The following COL4A6 variants were observed in gnomAD, a reference collection of about 807,000 sequenced individuals.
COL4A6 encodes collagen alpha-6(IV) chain.
In COL4A6, 59 loss-of-function variants were observed where a neutral mutation model predicts 126.7. The ratio of observed to expected loss-of-function variants is 0.47; its 90% CI spans 0.38 to 0.58. The LOEUF is 0.58. Among genes scored for constraint, COL4A6 ranks in the 20% least tolerant of loss-of-function variants. The probability of loss-of-function intolerance (pLI) is 0.00; values close to 1 mark genes in which losing one functional copy is unlikely to be tolerated. For missense variants in COL4A6, 1,285 were observed against 1,337.3 expected, an observed-to-expected ratio of 0.96 and a Z score of 0.61; for synonymous variants, 547 against 496.6, an observed-to-expected ratio of 1.10 and a Z score of -1.35.
At position 108,179,279 on chromosome X, in the gene COL4A6, C is replaced by T; in HGVS notation, c.2291G>A (p.Gly764Asp). ...TTTGTGCCCTGTTAATCCTTGTAGGCCTTGTTCCCCCGGAGCACCATTTTC... is the reference window on the plus strand; with the variant it reads ...TTTGTGCCCTGTTAATCCTTGTAGGTCTTGTTCCCCCGGAGCACCATTTTC... Reference protein sequence around the residue: ...GAENGAPGEQGLQGLTGHKGF... With the variant: ...GAENGAPGEQDLQGLTGHKGF... Residue 764 changes from glycine (G) to aspartate (D), a missense_variant, in exon 26 of 45, where the codon GGC (glycine) becomes GAC (aspartate). Transcript: ENST00000334504. The T allele has an allele frequency of 1.7e-6, 2 of 1,211,315 alleles. No homozygotes were observed. The highest frequency in any genetic ancestry group is 2.2e-6 in the Non-Finnish European group (2 of 895,407).
At chrX:108,233,523 C>A (rs752844466) in intron 3 of COL4A6, among the ~76,000 whole-genome samples, 9 of 111,703 alleles carry the variant, frequency 8.1e-5, no homozygotes, top group Non-Finnish European at 1.7e-4. Context: ...TCAGAGAACT[C>A]AGGGAGCTCT....
intron 2 of COL4A6, among the ~76,000 whole-genome samples, chrX:108,354,788 C>G (rs1025299636): frequency 9.9e-5 from 11 of 110,746 alleles, no homozygotes; most frequent in Non-Finnish European, 1.9e-4. Flanking sequence ...ACCTGAAAGT[C>G]TGACAGGGAA....
intron 41 of COL4A6, among the ~76,000 whole-genome samples, chrX:108,162,404 AGAAGAAGAAGAG>A (rs1248763897): frequency 4.6e-5 from 5 of 108,303 alleles, no homozygotes; most frequent in Admixed American, 9.9e-5. Flanking sequence ...GAAGAAAAGA[AGAAGAAGAAGAG>A]GAAGAAGAAG....
chrX:108,289,646 G>A (rs1339282610), intron 3 of COL4A6, among the ~76,000 whole-genome samples: 1 of 111,548 alleles, frequency 9.0e-6, no homozygotes, highest in Non-Finnish European at 1.9e-5. Flanking sequence ...AGACTTGCAG[G>A]CAGCAACCTC....
At chrX:108,242,440 C>T (rs766615651) in intron 3 of COL4A6, among the ~76,000 whole-genome samples, 2 of 111,283 alleles carry the variant, frequency 1.8e-5, no homozygotes, top group South Asian at 3.8e-4. Context: ...AGAGAAACAC[C>T]ACCGCACAAT....
intron 2 of COL4A6, among the ~76,000 whole-genome samples, chrX:108,356,994 A>C (rs773645608): frequency 8.9e-6 from 1 of 111,957 alleles, no homozygotes; most frequent in Non-Finnish European, 1.9e-5. Context: ...CCATGCATTT[A>C]AAGTAGAAAA....
In COL4A6 at chrX:108,437,811, T is replaced by C. The variant is rs781594771; in HGVS notation, c.63+131A>G. On this transcript the variant is annotated intron_variant, in intron 2 of 44. Transcript: ENST00000334504. ...TCTCAAGAATCTCATTAACTCCCAT[T>C]AGAAAGGGGAGTGGTGTGGACTCCG... 374 of 677,230 alleles carry C rather than the reference T, an allele frequency of 5.5e-4. 1 individual carries two copies. Among genetic ancestry groups the C allele is most frequent in the Middle Eastern group, 3.1e-4 (1 of 3,196 alleles). The allele number at this position is 677,230 out of a possible 1,213,427, so 55.8% of individuals were successfully genotyped here. A position where few individuals can be genotyped will look rare whatever the true frequency, so the allele number is the denominator to read the frequency against.
chrX:108,180,447 AC>A (rs36091296), intron 25 of COL4A6, 67 bp downstream of exon 25: 7 of 20,682 alleles, frequency 3.4e-4, no homozygotes, highest in East Asian at 3.2e-3. Flanking sequence ...ACCCAAATAC[AC>A]ACACACACAC....
intron 2 of COL4A6, among the ~76,000 whole-genome samples, chrX:108,388,880 G>T (rs1335240166): frequency 9.0e-6 from 1 of 111,654 alleles, no homozygotes; most frequent in African/African-American, 3.3e-5. Flanking sequence ...TCTACACACT[G>T]CTTTAATGTG....
At chrX:108,210,176 T>G (rs1361264032) in intron 7 of COL4A6, among the ~76,000 whole-genome samples, 172 bp from the exon 8 acceptor site, 1 of 112,669 alleles carries the variant, frequency 8.9e-6, no homozygotes, top group African/African-American at 3.2e-5. Context: ...ACTGTTTAGA[T>G]TGTTTATTTT....
intron 2 of COL4A6, among the ~76,000 whole-genome samples, chrX:108,346,829 A>G (rs958222258): frequency 8.0e-5 from 9 of 111,825 alleles, no homozygotes; most frequent in African/African-American, 2.9e-4. Context: ...TATTTGCCCA[A>G]TTTTTGGTGA....
rs150412110 is a variant in COL4A6 at position 108,233,676 on chromosome X, C to A, written c.145-12302G>T. 1.9e-3 allele frequency among the ~76,000 whole-genome samples: 212 copies of A among 111,710 alleles called. 1 individual carries two copies. In the East Asian group the frequency reaches 0.04, roughly 21 times the overall value. On this transcript the variant is annotated intron_variant, in intron 3 of 44. Transcript: ENST00000334504. The stretch of plus-strand genomic sequence containing the variant: ...CTATGCTGATAAAGGGATACACATT[C>A]CACTCCAAACACACATGCCCACAGG...
chrX:108,165,660 A>G (rs897196403), intron 37 of COL4A6, among the ~76,000 whole-genome samples, 174 bp from the exon 38 acceptor site: 2 of 111,899 alleles, frequency 1.8e-5, no homozygotes, highest in Admixed American at 1.9e-4. Context: ...CCCAGAAAGC[A>G]GACTAACTGA....
chrX:108,218,144 C>T (rs959244350), intron 5 of COL4A6, among the ~76,000 whole-genome samples: 4 of 112,255 alleles, frequency 3.6e-5, no homozygotes, highest in African/African-American at 6.5e-5. Context: ...CACTTCCTTC[C>T]AGCTCCCATT....
rs754739736 is a variant in COL4A6, at chrX:108,406,324, C to T, written c.63+31618G>A. 3.8e-4 allele frequency among the ~76,000 whole-genome samples: 42 copies of T among 111,909 alleles called. 1 individual carries two copies. Among genetic ancestry groups the T allele is most frequent in the South Asian group, 7.5e-4 (2 of 2,659 alleles). ...TACAATCCTCGCCCTTCCTCCTGAC[C>T]TTATCTTAACCCTTTACTTACCAGA... On this transcript the variant is annotated intron_variant, in intron 2 of 44. Coordinates refer to ENST00000334504, the MANE Select transcript of COL4A6 (RefSeq NM_033641.4).
At position 108,180,961 on chromosome X, in the gene COL4A6, G is replaced by T. The variant is rs1213520854; in HGVS notation, c.1959C>A (p.Thr653=). ...QQGLPGSKGI[T]LPCIIPGSYG... ...ATGACCCAGGAATAATACAGGGCAG[G>T]GTGATTCCTGTAAATGGTAACATGT... Residue 653 remains threonine, a synonymous_variant, in exon 24 of 45, where the codon ACC becomes ACA. Transcript: ENST00000334504. The T allele has an allele frequency of 2.5e-6, 3 of 1,205,394 alleles. No individual in the cohort carries two copies. The highest frequency in any genetic ancestry group is 2.2e-5 in the Admixed American group (1 of 45,663).
At chrX:108,376,916 G>A (rs760482573) in intron 2 of COL4A6, among the ~76,000 whole-genome samples, 1 of 112,561 alleles carries the variant, frequency 8.9e-6, no homozygotes, top group Admixed American at 9.3e-5. Context: ...TCCTTAGGTG[G>A]AATGAGAGAC....
intron 2 of COL4A6, among the ~76,000 whole-genome samples, chrX:108,379,285 T>C (rs1404770406): frequency 9.1e-6 from 1 of 110,265 alleles, no homozygotes; most frequent in Non-Finnish European, 1.9e-5. Flanking sequence ...GACCTCGCTC[T>C]GTTGCCCACA....
intron 3 of COL4A6, among the ~76,000 whole-genome samples, chrX:108,242,658 C>T (rs1408713965): frequency 8.9e-6 from 1 of 111,991 alleles, no homozygotes; most frequent in Non-Finnish European, 1.9e-5. Flanking sequence ...AAACAAATCA[C>T]CAGGAAGAAC....
Sources: gnomAD v4.1 joint callset for allele counts (sites outside exome capture counted in the v4.1 genomes callset) on GRCh38, gnomAD v4.1.1 for gene constraint, MANE v1.5 for transcripts, NCBI Gene and HGNC (gene_info 2026-07-23, HGNC 2026-07-21) for gene names.